The following ABCC5 variants were observed in gnomAD, a reference collection of about 807,000 sequenced individuals.
ABCC5 encodes ATP binding cassette subfamily C member 5, also known as ATP-binding cassette sub-family C member 5.
Under a neutral mutation model 160.9 loss-of-function variants are expected in ABCC5, and 61 were observed. The observed-to-expected ratio is 0.38, with a 90% CI of 0.31 to 0.47. The LOEUF is 0.47. ABCC5 is among the 20% of genes least tolerant of loss of function. ABCC5 has a pLI of 0.99. For synonymous variants in ABCC5, 666 were observed against 700.6 expected (o/e 0.95, Z 0.78); for missense variants, 1,308 against 1,813.3 (o/e 0.72, Z 5.06).
intron 12 of ABCC5, among the ~76,000 whole-genome samples, chr3:183,966,267 T>C (rs776295682): frequency 3.3e-5 from 5 of 152,304 alleles, no homozygotes; most frequent in Non-Finnish European, 7.3e-5. Flanking sequence ...CACACACAGG[T>C]GTACCTACGT....
intron 5 of ABCC5, chr3:183,984,400 G>C (rs530560329): frequency 2.0e-6 from 2 of 992,652 alleles, no homozygotes; most frequent in Non-Finnish European, 2.4e-6. Context: ...TTATAGCAAA[G>C]GTGACTGCAG....
chr3:183,957,256 T>G lies in ABCC5; in HGVS notation c.2482+2477A>C, dbSNP rs569504341. 5.8e-3 allele frequency among the ~76,000 whole-genome samples: 470 copies of G among 80,358 alleles called. 61 individuals carry two copies. The highest frequency in any genetic ancestry group is 0.019 in the African/African-American group (410 of 21,610). 52.7% of individuals were successfully genotyped at this position (80,358 alleles called of 152,430 possible). A position where few individuals can be genotyped will look rare whatever the true frequency, so the allele number is the denominator to read the frequency against. ...TGCAGATCCGTGTGTATATCACATC[T>G]GTTACATGCGGATCCGTGTGTATAT... On this transcript the variant is annotated intron_variant, in intron 17 of 29. Coordinates refer to ENST00000334444, the MANE Select transcript of ABCC5 (RefSeq NM_005688.4).
chr3:183,952,144 C>CTTTTT (rs34905378), intron 18 of ABCC5, 141 bp from the exon 19 acceptor site: 33 of 374,016 alleles, frequency 8.8e-5, no homozygotes, highest in Middle Eastern at 7.9e-4. Context: ...TTGTCCACCT[C>CTTTTT]TTTTTTTTTT....
intron 14 of ABCC5, 25 bp downstream of exon 14, chr3:183,965,160 C>G: frequency 1.2e-6 from 2 of 1,612,886 alleles, no homozygotes; most frequent in Non-Finnish European, 1.7e-6. Context: ...TGCTAAATGC[C>G]TGGTCAGGGG....
At chr3:184,005,249 A>G (rs1721085514) in intron 2 of ABCC5, among the ~76,000 whole-genome samples, 2 of 152,156 alleles carry the variant, frequency 1.3e-5, no homozygotes, top group Admixed American at 1.3e-4. Flanking sequence ...TTGAGGTTCC[A>G]TCCATCTTTT....
At chr3:183,935,637 G>A (rs981909748) in intron 26 of ABCC5, among the ~76,000 whole-genome samples, 2 of 151,848 alleles carry the variant, frequency 1.3e-5, no homozygotes, top group Admixed American at 1.3e-4. Flanking sequence ...TGGAGCTCTG[G>A]AGTAGCTGGG....
In ABCC5 at chr3:184,017,072, C is replaced by T. The variant is rs557302052; in HGVS notation, c.-56+758G>A. On this transcript the variant is annotated intron_variant, in intron 1 of 29. Transcript: ENST00000334444. This position sits in a 1 kb window ranked among gnomAD's most constrained non-coding sequence, Gnocchi z 4.5. ...CACCTTTCATACACGCTGCGGACCA[C>T]AGTAAAACCTAGCCATCTCCTCCTC... Among the ~76,000 whole-genome samples, 2 of 152,330 alleles carry T rather than the reference C, an allele frequency of 1.3e-5. No homozygotes were observed. Among genetic ancestry groups the T allele is most frequent in the East Asian group, 1.9e-4 (1 of 5,178 alleles).
intron 2 of ABCC5, among the ~76,000 whole-genome samples, chr3:183,994,853 A>ATTTTTTTTTTT: frequency 8.1e-6 from 1 of 122,846 alleles, no homozygotes; most frequent in Non-Finnish European, 1.8e-5. Context: ...CCCATTTTCT[A>ATTTTTTTTTTT]TGTTTTTTTT....
chr3:184,017,838 C>G lies in ABCC5; in HGVS notation c.-64G>C, dbSNP rs923371790. On this transcript the variant is annotated 5_prime_UTR_variant, in exon 1 of 30. Coordinates refer to ENST00000334444, the MANE Select transcript of ABCC5 (RefSeq NM_005688.4). This position sits in a 1 kb window ranked among gnomAD's most constrained non-coding sequence, Gnocchi z 4.5. ...CAGCAGCCATCACCTACCTGCGCCC[C>G]TGCTCCAGGACAACCGCGCCAGCCG... is the stretch of plus-strand genomic sequence containing the variant. 1 of 152,526 alleles carries G rather than the reference C, an allele frequency of 6.6e-6. No homozygotes were observed. Among genetic ancestry groups the G allele is most frequent in the Non-Finnish European group, 1.5e-5 (1 of 68,266 alleles). 9.4% of individuals were successfully genotyped at this position (152,526 alleles called of 1,614,324 possible).
In ABCC5 at chr3:184,014,408, G is replaced by A; in HGVS notation, c.-16C>T. The A allele has an allele frequency of 6.2e-7, 1 of 1,601,552 alleles. No homozygotes were observed. Among genetic ancestry groups the A allele is most frequent in the Non-Finnish European group, 8.5e-7 (1 of 1,175,368 alleles). On this transcript the variant is annotated 5_prime_UTR_variant, in exon 2 of 30. Coordinates refer to ENST00000334444, the MANE Select transcript of ABCC5 (RefSeq NM_005688.4). ...TATCCTTCATCTTCTCTGAGTGGAGGTTCCAGGGCTCACAGACTGTTAGTT... is the reference window on the plus strand; with the variant it reads ...TATCCTTCATCTTCTCTGAGTGGAGATTCCAGGGCTCACAGACTGTTAGTT...
At chr3:183,972,283 T>C (rs927719204) in intron 10 of ABCC5, among the ~76,000 whole-genome samples, 9 of 152,184 alleles carry the variant, frequency 5.9e-5, no homozygotes, top group Non-Finnish European at 1.3e-4. Flanking sequence ...GCAAAGGGCA[T>C]GCTGACCTCC....
intron 5 of ABCC5, chr3:183,986,909 T>C (rs1719268808): frequency 6.6e-6 from 1 of 151,944 alleles, no homozygotes; most frequent in Non-Finnish European, 1.5e-5. Flanking sequence ...AGAAAAGAGA[T>C]CAAAACTTTA....
intron 17 of ABCC5, among the ~76,000 whole-genome samples, chr3:183,955,400 G>T (rs1715780907): frequency 6.6e-6 from 1 of 152,172 alleles, no homozygotes; most frequent in African/African-American, 2.4e-5. Flanking sequence ...GAACTCTAAA[G>T]GCAGGGGAGT....
intron 26 of ABCC5, among the ~76,000 whole-genome samples, chr3:183,933,305 T>G (rs1713359839): frequency 6.6e-6 from 1 of 151,754 alleles, no homozygotes; most frequent in South Asian, 2.1e-4. Context: ...TACCCATCAC[T>G]CACAGGGGAC....
chr3:184,003,181 G>A (rs34672752), intron 2 of ABCC5, among the ~76,000 whole-genome samples: 9,589 of 152,114 alleles, frequency 0.063, 316 homozygotes, highest in Middle Eastern at 0.092. Flanking sequence ...TGTGCCACTA[G>A]ATATACTTCT....
chr3:183,990,158 G>C (rs907043036), intron 2 of ABCC5, among the ~76,000 whole-genome samples: 1 of 151,894 alleles, frequency 6.6e-6, no homozygotes, highest in African/African-American at 2.4e-5. Flanking sequence ...GCCCAGGCCG[G>C]AGTGCAGTGG....
At chr3:184,000,089 C>T (rs1252304850) in intron 2 of ABCC5, among the ~76,000 whole-genome samples, 1 of 151,678 alleles carries the variant, frequency 6.6e-6, no homozygotes, top group East Asian at 2.0e-4. Flanking sequence ...CTGGGCGCGG[C>T]GGCTCACACC....
At position 183,983,015 on chromosome 3, in the gene ABCC5, G is replaced by A. The variant is rs776448854; in HGVS notation, c.592-8C>T. On this transcript the variant is annotated splice_polypyrimidine_tract_variant and splice_region_variant and intron_variant, in intron 5 of 29. Coordinates refer to ENST00000334444, the MANE Select transcript of ABCC5 (RefSeq NM_005688.4). ...GTGTTTCACCATGAAGGCCTACAGG[G>A]AGAGACACACACCACTGTCAACATC... 1.2e-6 allele frequency: 2 copies of A among 1,607,610 alleles called. No homozygotes were observed. The highest frequency in any genetic ancestry group is 2.2e-5 in the East Asian group (1 of 44,852).
At chr3:184,005,242 A>G (rs1231641794) in intron 2 of ABCC5, among the ~76,000 whole-genome samples, 1 of 152,092 alleles carries the variant, frequency 6.6e-6, no homozygotes, top group East Asian at 1.9e-4. Context: ...ACGGCCTTTG[A>G]GGTTCCATCC....
Sources: gnomAD v4.1 joint callset for allele counts (sites outside exome capture counted in the v4.1 genomes callset) on GRCh38, gnomAD v4.1.1 for gene constraint, Gnocchi (gnomAD v3.1) non-coding constraint, MANE v1.5 for transcripts, NCBI Gene and HGNC (gene_info 2026-07-23, HGNC 2026-07-21) for gene names.